The following CNTN4 variants were observed in gnomAD, a reference collection of about 807,000 sequenced individuals.
The protein encoded by CNTN4 is contactin-4.
A neutral mutation model predicts 122.5 loss-of-function variants in CNTN4; 77 were observed. That is an observed-to-expected ratio of 0.63 (90% CI 0.52 to 0.76). The LOEUF (loss-of-function observed/expected upper bound fraction) is 0.76, where lower values mean the gene tolerates loss of function less well. Ranked by LOEUF, CNTN4 falls within the 30% of genes least tolerant of loss-of-function variation. The pLI, the probability that CNTN4 is intolerant of heterozygous loss-of-function variation, is 0.00. For synonymous variants in CNTN4, 512 were observed against 447.0 expected (o/e 1.15, Z -1.83); for missense variants, 1,256 against 1,259.1 (o/e 1.00, Z 0.04).
In CNTN4 at chr3:3,034,681, C is replaced by T; in HGVS notation, c.1833C>T (p.Thr611=). Residue 611 remains threonine (T), a synonymous_variant, in exon 17 of 25, where the codon ACC becomes ACT. Transcript: ENST00000418658. ...EAVTIDEITD[T]TAQLSWRPGP... ...TGACAATAGACGAAATCACAGATAC[C>T]ACTGCTCAGCTCTCCTGGAGACCCG... is the stretch of plus-strand genomic sequence containing the variant. The T allele has an allele frequency of 6.2e-7, 1 of 1,614,068 alleles. No individual in the cohort carries two copies. Among genetic ancestry groups the T allele is most frequent in the Non-Finnish European group, 8.5e-7 (1 of 1,179,996 alleles).
intron 4 of CNTN4, among the ~76,000 whole-genome samples, chr3:2,711,175 A>T (rs1191156058): frequency 6.6e-6 from 1 of 152,188 alleles, no homozygotes; most frequent in Non-Finnish European, 1.5e-5. Flanking sequence ...ACAAACCCAG[A>T]TGCCTACAGG....
At chr3:2,792,545 A>C (rs757694162) in intron 6 of CNTN4, among the ~76,000 whole-genome samples, 1 of 152,234 alleles carries the variant, frequency 6.6e-6, no homozygotes, top group East Asian at 1.9e-4. Flanking sequence ...CTTCCTAAGC[A>C]AGAATGCTAG....
chr3:2,308,361 C>T (rs570590821), intron 2 of CNTN4, among the ~76,000 whole-genome samples: 1 of 151,814 alleles, frequency 6.6e-6, no homozygotes, highest in Admixed American at 6.6e-5. Flanking sequence ...AATTTTTGTT[C>T]CATTGATTTT....
At chr3:2,310,525 C>G (rs1559440890) in intron 2 of CNTN4, among the ~76,000 whole-genome samples, 1 of 152,144 alleles carries the variant, frequency 6.6e-6, no homozygotes, top group African/African-American at 2.4e-5. Flanking sequence ...CGCCTTCCCA[C>G]TTTTTCACCT....
chr3:2,667,302 A>G (rs754037213), intron 4 of CNTN4, among the ~76,000 whole-genome samples: 24 of 152,114 alleles, frequency 1.6e-4, no homozygotes, highest in Admixed American at 4.6e-4. Flanking sequence ...GTGAGATGGT[A>G]TCTCATTGTG....
rs142400385 is a variant in CNTN4, at chr3:2,682,482, A to G, written c.56-53733A>G. Among the ~76,000 whole-genome samples the G allele has an allele frequency of 1.2e-3, 189 of 152,302 alleles. 2 individuals carry two copies. The highest frequency in any genetic ancestry group is 4.3e-3 in the African/African-American group (177 of 41,572). The stretch of plus-strand genomic sequence containing the variant: ...ATCTTGTATTTAATTTCAGTAATTT[A>G]TGGATTCTTTCTAAGGTAATCCACG... On this transcript the variant is annotated intron_variant, in intron 4 of 24. Coordinates refer to ENST00000418658, the MANE Select transcript of CNTN4 (RefSeq NM_175607.3).
intron 4 of CNTN4, among the ~76,000 whole-genome samples, chr3:2,648,956 G>A (rs1232702067): frequency 2.6e-5 from 4 of 152,198 alleles, no homozygotes; most frequent in Non-Finnish European, 5.9e-5. Flanking sequence ...CTGGATAGAA[G>A]ATCACACCAG....
intron 4 of CNTN4, among the ~76,000 whole-genome samples, chr3:2,723,606 T>C (rs2088006449): frequency 6.6e-6 from 1 of 152,188 alleles, no homozygotes; most frequent in Non-Finnish European, 1.5e-5. Context: ...TTGAAGCCTC[T>C]TTTATGAAGG....
intron 3 of CNTN4, among the ~76,000 whole-genome samples, chr3:2,506,423 C>G (rs531136665): frequency 2.0e-5 from 3 of 152,248 alleles, no homozygotes; most frequent in Admixed American, 2.0e-4. Flanking sequence ...CTGAGCCAGA[C>G]AGAATGATGT....
At chr3:2,220,797 C>T (rs184232593) in intron 2 of CNTN4, among the ~76,000 whole-genome samples, 15 of 152,158 alleles carry the variant, frequency 9.9e-5, no homozygotes, top group Admixed American at 9.8e-4. Flanking sequence ...ATAACTGTTA[C>T]TATTGTCTTC....
intron 13 of CNTN4, among the ~76,000 whole-genome samples, chr3:2,963,175 C>G (rs1341270611): frequency 6.6e-6 from 1 of 151,992 alleles, no homozygotes; most frequent in African/African-American, 2.4e-5. Flanking sequence ...CCACATCTGC[C>G]CCCATCATTA....
intron 3 of CNTN4, among the ~76,000 whole-genome samples, chr3:2,537,045 C>G (rs1383343257): frequency 6.6e-6 from 1 of 152,066 alleles, no homozygotes; most frequent in African/African-American, 2.4e-5. Flanking sequence ...GAATCTTAAC[C>G]CACTAGCATC....
chr3:2,493,481 C>G (rs1329323280), intron 3 of CNTN4, among the ~76,000 whole-genome samples: 2 of 150,012 alleles, frequency 1.3e-5, no homozygotes, highest in African/African-American at 2.5e-5. Flanking sequence ...GAGATGCAAA[C>G]CACACACGGA....
intron 2 of CNTN4, among the ~76,000 whole-genome samples, chr3:2,332,523 A>G (rs1481701196): frequency 6.6e-6 from 1 of 152,076 alleles, no homozygotes; most frequent in Non-Finnish European, 1.5e-5. Context: ...GGAGATCAGA[A>G]AATACCACTG....
At chr3:2,612,663 A>G (rs190905920) in intron 4 of CNTN4, among the ~76,000 whole-genome samples, 153 of 152,282 alleles carry the variant, frequency 1.0e-3, no homozygotes, top group East Asian at 9.6e-4. Flanking sequence ...TATTTGAATT[A>G]GGAGTTTCAT....
chr3:2,553,102 C>G (rs2078581196), intron 3 of CNTN4, among the ~76,000 whole-genome samples: 1 of 152,076 alleles, frequency 6.6e-6, no homozygotes, highest in African/African-American at 2.4e-5. Flanking sequence ...GGGTAGATCA[C>G]CAGGTTATTG....
chr3:2,294,485 G>A (rs2042237371), intron 2 of CNTN4, among the ~76,000 whole-genome samples: 1 of 151,972 alleles, frequency 6.6e-6, no homozygotes, highest in Non-Finnish European at 1.5e-5. Context: ...TACAAAAATT[G>A]CTGGGCATGG....
At chr3:2,288,352 G>T (rs2042015166) in intron 2 of CNTN4, among the ~76,000 whole-genome samples, 1 of 152,142 alleles carries the variant, frequency 6.6e-6, no homozygotes, top group South Asian at 2.1e-4. Flanking sequence ...AGGGCCAGAA[G>T]GAAGGAAGAG....
chr3:2,271,459 A>G (rs1336249169), intron 2 of CNTN4, among the ~76,000 whole-genome samples: 3 of 152,092 alleles, frequency 2.0e-5, no homozygotes, highest in Non-Finnish European at 4.4e-5. Context: ...TAGCTATATA[A>G]TCTCTCTTTG....
Sources: allele counts gnomAD v4.1 joint callset (sites outside exome capture counted in the v4.1 genomes callset), GRCh38; gene constraint gnomAD v4.1.1; transcripts MANE v1.5; gene names NCBI Gene and HGNC (gene_info 2026-07-23, HGNC 2026-07-21).